Variants in HNRNPA1L2 observed in about 807,000 individuals in gnomAD.
The protein encoded by HNRNPA1L2 is heterogeneous nuclear ribonucleoprotein A1-like 2.
HNRNPA1L2 carries 10 observed loss-of-function variants against 18.2 expected under a neutral mutation model. The ratio of observed to expected loss-of-function variants is 0.55; its 90% CI spans 0.34 to 0.93. The LOEUF (loss-of-function observed/expected upper bound fraction) is 0.93, where lower values mean the gene tolerates loss of function less well. Ranked by LOEUF, HNRNPA1L2 falls within the 40% of genes least tolerant of loss-of-function variation. The pLI is 0.02. For missense variants in HNRNPA1L2, 308 were observed against 394.4 expected (o/e 0.78, Z 1.85); for synonymous variants, 124 against 138.6 (o/e 0.89, Z 0.74).
chr13:52,631,249 A>G, the HNRNPA1L2 span, among the ~76,000 whole-genome samples: 2 of 152,184 alleles, frequency 1.3e-5, no homozygotes, highest in Admixed American at 1.3e-4. Context: ...TGACCGGGGC[A>G]CCTTTTATAG....
the HNRNPA1L2 span, among the ~76,000 whole-genome samples, chr13:52,619,056 G>A: frequency 6.6e-6 from 1 of 152,124 alleles, no homozygotes; most frequent in Non-Finnish European, 1.5e-5. Flanking sequence ...TGCCCAGGCT[G>A]GAGTGCAATG....
chr13:52,640,489 T>C (rs1245284931), upstream of HNRNPA1L2, among the ~76,000 whole-genome samples: 2 of 152,244 alleles, frequency 1.3e-5, no homozygotes, highest in Middle Eastern at 3.2e-3. Context: ...GTAATCTTAA[T>C]GTACACTTGG....
At chr13:52,635,206 C>T in the HNRNPA1L2 span, among the ~76,000 whole-genome samples, 1 of 151,950 alleles carries the variant, frequency 6.6e-6, no homozygotes, top group Admixed American at 6.6e-5. Flanking sequence ...GAAACCGATT[C>T]AGAAAAAGCA....
chr13:52,634,365 A>T, the HNRNPA1L2 span, among the ~76,000 whole-genome samples: 3 of 152,234 alleles, frequency 2.0e-5, no homozygotes, highest in Admixed American at 6.5e-5. Context: ...AACTGAAATT[A>T]GTTGGCAAGA....
chr13:52,625,053 AG>A, the HNRNPA1L2 span, among the ~76,000 whole-genome samples: 1 of 152,026 alleles, frequency 6.6e-6, no homozygotes, highest in African/African-American at 2.4e-5. Flanking sequence ...AAAGTTATGA[AG>A]GGGAAAAGTA....
chr13:52,639,344 G>T (rs922208815), upstream of HNRNPA1L2, among the ~76,000 whole-genome samples: 6 of 152,116 alleles, frequency 3.9e-5, no homozygotes, highest in Admixed American at 2.6e-4. Flanking sequence ...TGCTCAGTAG[G>T]TTAGGTGTAT....
chr13:52,635,575 AACACACAC>A, the HNRNPA1L2 span, among the ~76,000 whole-genome samples: 6,226 of 143,264 alleles, frequency 0.043, 222 homozygotes, highest in Admixed American at 0.091. Context: ...GTCCTTTTGC[AACACACAC>A]ACACACACAC....
At chr13:52,626,671 A>G in the HNRNPA1L2 span, among the ~76,000 whole-genome samples, 1 of 151,750 alleles carries the variant, frequency 6.6e-6, no homozygotes, top group Non-Finnish European at 1.5e-5. Context: ...CCCAGTTTTC[A>G]TCTCCTACTT....
At chr13:52,625,024 C>T in the HNRNPA1L2 span, among the ~76,000 whole-genome samples, 3 of 151,328 alleles carry the variant, frequency 2.0e-5, no homozygotes, top group African/African-American at 7.3e-5. Flanking sequence ...GAGTGAGACC[C>T]TATCTCAAAA....
At chr13:52,620,191 G>A in the HNRNPA1L2 span, among the ~76,000 whole-genome samples, 1 of 152,112 alleles carries the variant, frequency 6.6e-6, no homozygotes, top group African/African-American at 2.4e-5. Context: ...ACTTGATATA[G>A]TATTTAACCT....
chr13:52,640,017 G>A (rs1316922401), upstream of HNRNPA1L2, among the ~76,000 whole-genome samples: 1 of 150,862 alleles, frequency 6.6e-6, no homozygotes, highest in Non-Finnish European at 1.5e-5. Flanking sequence ...TTGGCTCACT[G>A]CAACTGTCAC....
chr13:52,635,126 C>T, the HNRNPA1L2 span, among the ~76,000 whole-genome samples: 5 of 152,146 alleles, frequency 3.3e-5, no homozygotes, highest in African/African-American at 1.2e-4. Context: ...ATCAGATGAA[C>T]TAGGCCAAAA....
chr13:52,642,389 C>G, upstream of HNRNPA1L2: 1 of 1,441,720 alleles, frequency 6.9e-7, no homozygotes, highest in Non-Finnish European at 9.4e-7. Context: ...AGAATCTCAT[C>G]CAAATACTCT....
chr13:52,639,694 C>CAAAAAAAAAAAAAAAAAAAAAAAAAAAAA (rs10661534), upstream of HNRNPA1L2, among the ~76,000 whole-genome samples: 1 of 73,544 alleles, frequency 1.4e-5, no homozygotes, highest in African/African-American at 5.2e-5. Context: ...GACCCTGTCT[C>CAAAAAAAAAAAAAAAAAAAAAAAAAAAAA]AAAAAAAAAA....
the HNRNPA1L2 span, among the ~76,000 whole-genome samples, chr13:52,620,223 A>G: frequency 7.0e-4 from 107 of 152,238 alleles, no homozygotes; most frequent in African/African-American, 2.5e-3. Context: ...CAGGCTCTTG[A>G]GCTCACCTGC....
chr13:52,632,720 G>C, the HNRNPA1L2 span, among the ~76,000 whole-genome samples: 1 of 152,238 alleles, frequency 6.6e-6, no homozygotes, highest in Non-Finnish European at 1.5e-5. Context: ...TTGATGAATA[G>C]ATGAGTTTAC....
At chr13:52,635,592 ACAC>A in the HNRNPA1L2 span, among the ~76,000 whole-genome samples, 1 of 59,822 alleles carries the variant, frequency 1.7e-5, no homozygotes, top group South Asian at 4.1e-4. Flanking sequence ...ACACACACAC[ACAC>A]ACACACACAC....
At chr13:52,640,145 T>C (rs564133601), upstream of HNRNPA1L2, among the ~76,000 whole-genome samples, 1 of 152,294 alleles carries the variant, frequency 6.6e-6, no homozygotes, top group South Asian at 2.1e-4. Flanking sequence ...TTCACCATGT[T>C]TTCCTGTCTG....
In HNRNPA1L2 at chr13:52,643,294, A is replaced by C; in HGVS notation, c.802A>C (p.Asn268His). 2.5e-6 allele frequency: 4 copies of C among 1,594,922 alleles called. No homozygotes were observed. The highest frequency in any genetic ancestry group is 3.4e-6 in the Non-Finnish European group (4 of 1,177,486). The change falls in exon 1 of 1, where the codon AAT becomes CAT. Residue 268 changes from asparagine to histidine, a missense_variant. By Grantham distance (68) the Asn-to-His change is moderately conservative. Transcript: ENST00000357495. ...CTACAATGATTTTGGCAATTACAACAATCAGTCTTCAAATTTTGGACCCAT... is the reference window on the plus strand; with the variant it reads ...CTACAATGATTTTGGCAATTACAACCATCAGTCTTCAAATTTTGGACCCAT... The part of the protein sequence containing the change: ...GSYNDFGNYN[N>H]QSSNFGPMKG...
Sources: allele counts gnomAD v4.1 joint callset (sites outside exome capture counted in the v4.1 genomes callset), GRCh38; gene constraint gnomAD v4.1.1; transcripts MANE v1.5; gene names NCBI Gene and HGNC (gene_info 2026-07-23, HGNC 2026-07-21).